PDE7B: variants seen among roughly 807,000 people sequenced by gnomAD.
The protein encoded by PDE7B is phosphodiesterase 7B, also known as 3',5'-cyclic-AMP phosphodiesterase 7B.
PDE7B carries 29 observed loss-of-function variants against 56.2 expected under a neutral mutation model. That is an observed-to-expected ratio of 0.52 (90% CI 0.38 to 0.70). The LOEUF is 0.70. Ranked by LOEUF, PDE7B falls within the 30% of genes least tolerant of loss-of-function variation. The probability of loss-of-function intolerance (pLI) is 0.00; values close to 1 mark genes in which losing one functional copy is unlikely to be tolerated. For missense variants in PDE7B, 490 were observed against 565.0 expected, an observed-to-expected ratio of 0.87 and a Z score of 1.35; for synonymous variants, 197 against 196.9, an observed-to-expected ratio of 1.00 and a Z score of 0.00.
intron 1 of PDE7B, 63 bp downstream of exon 1, chr6:135,852,082 T>C: frequency 2.7e-6 from 3 of 1,108,698 alleles, no homozygotes; most frequent in Non-Finnish European, 4.2e-6. Context: ...CACAGAGAGA[T>C]GGCAGGATTT....
chr6:135,889,972 C>G (rs1320219061), intron 1 of PDE7B, among the ~76,000 whole-genome samples: 1 of 151,286 alleles, frequency 6.6e-6, no homozygotes, highest in South Asian at 2.1e-4. Flanking sequence ...AGGCTGGTCT[C>G]GAACTCCTGA....
chr6:136,059,061 G>A (rs1776789961), intron 2 of PDE7B, among the ~76,000 whole-genome samples: 1 of 152,178 alleles, frequency 6.6e-6, no homozygotes, highest in Non-Finnish European at 1.5e-5. Context: ...GGCATGAAGT[G>A]TGTTGACAGG....
intron 2 of PDE7B, among the ~76,000 whole-genome samples, chr6:136,069,573 C>T (rs1169193557): frequency 6.6e-5 from 10 of 152,176 alleles, no homozygotes; most frequent in Non-Finnish European, 1.2e-4. Context: ...TTCAAGAATA[C>T]AGTTATTGCC....
intron 1 of PDE7B, among the ~76,000 whole-genome samples, chr6:135,940,640 A>G (rs1774491902): frequency 6.6e-6 from 1 of 152,180 alleles, no homozygotes; most frequent in African/African-American, 2.4e-5. Context: ...TTTGATTAGT[A>G]CCATTCAGTT....
intron 1 of PDE7B, among the ~76,000 whole-genome samples, chr6:135,898,572 A>G (rs979286094): frequency 6.6e-6 from 1 of 152,192 alleles, no homozygotes; most frequent in African/African-American, 2.4e-5. Flanking sequence ...TAGAACATAG[A>G]GCAATTTTGG....
intron 1 of PDE7B, among the ~76,000 whole-genome samples, chr6:135,934,404 G>T (rs530337095): frequency 6.6e-6 from 1 of 151,952 alleles, no homozygotes; most frequent in Admixed American, 6.6e-5. Context: ...GGTAATATTT[G>T]TCAGTGAAAA....
chr6:136,011,756 C>A (rs184362483), intron 2 of PDE7B, among the ~76,000 whole-genome samples: 1 of 152,100 alleles, frequency 6.6e-6, no homozygotes, highest in Non-Finnish European at 1.5e-5. Context: ...AGAGCCTCAT[C>A]GCTGACATTC....
chr6:136,028,121 A>G (rs193042828), intron 2 of PDE7B, among the ~76,000 whole-genome samples: 1 of 152,336 alleles, frequency 6.6e-6, no homozygotes, highest in African/African-American at 2.4e-5. Context: ...CACTCAATAA[A>G]TGCATGTTAA....
At chr6:135,879,527 A>G (rs988481397) in intron 1 of PDE7B, among the ~76,000 whole-genome samples, 9 of 152,172 alleles carry the variant, frequency 5.9e-5, no homozygotes, top group Non-Finnish European at 1.3e-4. Context: ...GACCTACAAA[A>G]AGTGGTTTTT....
intron 1 of PDE7B, among the ~76,000 whole-genome samples, chr6:135,911,631 G>A (rs1200689839): frequency 2.6e-5 from 4 of 152,098 alleles, no homozygotes; most frequent in Non-Finnish European, 5.9e-5. Context: ...TTTTGTGTTT[G>A]CTGTGTATGA....
intron 1 of PDE7B, among the ~76,000 whole-genome samples, chr6:135,939,538 G>T (rs750913388): frequency 6.6e-6 from 1 of 152,150 alleles, no homozygotes; most frequent in Non-Finnish European, 1.5e-5. Context: ...CAAATCTGCC[G>T]TCCTCTGGCA....
intron 1 of PDE7B, among the ~76,000 whole-genome samples, chr6:135,855,911 T>A (rs1382065920): frequency 6.9e-6 from 1 of 145,194 alleles, no homozygotes; most frequent in South Asian, 2.3e-4. Context: ...AGATTACTTG[T>A]GGGAGTGAAG....
At chr6:136,130,383 C>T (rs1215754741) in intron 3 of PDE7B, among the ~76,000 whole-genome samples, 2 of 152,116 alleles carry the variant, frequency 1.3e-5, no homozygotes, top group Non-Finnish European at 2.9e-5. Flanking sequence ...TGACCACACC[C>T]CCTACATATA....
intron 2 of PDE7B, among the ~76,000 whole-genome samples, chr6:136,042,152 T>G (rs1776424181): frequency 6.6e-6 from 1 of 152,242 alleles, no homozygotes; most frequent in Non-Finnish European, 1.5e-5. Flanking sequence ...CTTCAAATAC[T>G]GCAAATATCC....
chr6:136,079,506 C>A (rs1164364552), intron 2 of PDE7B, among the ~76,000 whole-genome samples: 2 of 152,072 alleles, frequency 1.3e-5, no homozygotes, highest in Admixed American at 6.6e-5. Flanking sequence ...TTAGACAATA[C>A]AGAATGGTTT....
At chr6:135,936,001 A>T (rs1362730629) in intron 1 of PDE7B, among the ~76,000 whole-genome samples, 1 of 152,200 alleles carries the variant, frequency 6.6e-6, no homozygotes, top group Non-Finnish European at 1.5e-5. Context: ...CTCCCTATGC[A>T]AAAGTGTTTG....
At chr6:135,919,373 A>G (rs1237393425) in intron 1 of PDE7B, among the ~76,000 whole-genome samples, 1 of 152,206 alleles carries the variant, frequency 6.6e-6, no homozygotes, top group Non-Finnish European at 1.5e-5. Flanking sequence ...GCTTATTATG[A>G]CTTCTTGAAG....
At chr6:136,154,999 A>G (rs1778581277) in intron 7 of PDE7B, among the ~76,000 whole-genome samples, 1 of 152,152 alleles carries the variant, frequency 6.6e-6, no homozygotes, top group African/African-American at 2.4e-5. Flanking sequence ...TCTGTTTTTT[A>G]ATTTCCAAGT....
At chr6:136,012,813 G>A (rs1404928312) in intron 2 of PDE7B, 3 of 152,192 alleles carry the variant, frequency 2.0e-5, no homozygotes, top group Admixed American at 2.0e-4. Flanking sequence ...TAAAGAGAGT[G>A]TTCTGACAAT....
Sources: gnomAD v4.1 joint callset for allele counts (sites outside exome capture counted in the v4.1 genomes callset) on GRCh38, gnomAD v4.1.1 for gene constraint, MANE v1.5 for transcripts, NCBI Gene and HGNC (gene_info 2026-07-23, HGNC 2026-07-21) for gene names.